The following ARHGEF4 variants were observed in gnomAD, a reference collection of about 807,000 sequenced individuals.
ARHGEF4 encodes the protein APC-stimulated guanine nucleotide exchange factor 1.
Under a neutral mutation model 162.0 loss-of-function variants are expected in ARHGEF4, and 119 were observed. The observed-to-expected ratio is 0.73, with a 90% CI of 0.63 to 0.86. The LOEUF (loss-of-function observed/expected upper bound fraction) is 0.86, where lower values mean the gene tolerates loss of function less well. ARHGEF4 is among the 40% of genes least tolerant of loss of function. The pLI is 0.00. For missense variants in ARHGEF4, 2,488 were observed against 2,456.0 expected (o/e 1.01, Z -0.28); for synonymous variants, 1,014 against 979.9 (o/e 1.03, Z -0.65).
chr2:130,921,419 A>G (rs1202671497), intron 2 of ARHGEF4, among the ~76,000 whole-genome samples: 1 of 152,158 alleles, frequency 6.6e-6, no homozygotes, highest in African/African-American at 2.4e-5. Context: ...TCAGGGGCCT[A>G]CTGCACGTGC....
Position 130,914,687 on chromosome 2 carries a change from G to T in ARHGEF4, c.741G>T (p.Arg247Ser). The change falls in exon 2 of 14, where the codon AGG (arginine) becomes AGT (serine). Residue 247 changes from arginine (R) to serine (S), a missense_variant. Around this residue, in one of 6 missense-constraint regions of ARHGEF4, gnomAD observed 1,642 missense variants for 1,481.5 expected, o/e 1.11. Transcript: ENST00000409359. ...LGRSWPHIHN[R>S]ARALVLPSRG... is the part of the protein sequence containing the mutation. ...GGAGTTGGCCACATATCCACAACAG[G>T]GCCAGGGCACTGGTGCTACCTAGCA... 7.2e-7 allele frequency: 1 copy of T among 1,392,986 alleles called. No homozygotes were observed. Among genetic ancestry groups the T allele is most frequent in the Non-Finnish European group, 9.3e-7 (1 of 1,079,992 alleles). 86.3% of individuals were successfully genotyped at this position (1,392,986 alleles called of 1,614,324 possible).
chr2:130,967,391 T>G (rs1287118321), intron 4 of ARHGEF4, among the ~76,000 whole-genome samples: 1 of 152,206 alleles, frequency 6.6e-6, no homozygotes, highest in Non-Finnish European at 1.5e-5. Context: ...GCTGCCACAC[T>G]GCTGGTACTC....
At chr2:131,016,851 A>T (rs1268721139) in intron 4 of ARHGEF4, among the ~76,000 whole-genome samples, 1 of 152,190 alleles carries the variant, frequency 6.6e-6, no homozygotes, top group Admixed American at 6.5e-5. Flanking sequence ...TGGGAAAGAG[A>T]TGCATAAGGA....
At chr2:130,938,675 C>T (rs1683106344) in intron 3 of ARHGEF4, among the ~76,000 whole-genome samples, 1 of 152,128 alleles carries the variant, frequency 6.6e-6, no homozygotes, top group Non-Finnish European at 1.5e-5. Flanking sequence ...CAAACATTAT[C>T]ACCTAGTCTG....
At chr2:130,936,816 C>T (rs1057513984) in intron 3 of ARHGEF4, among the ~76,000 whole-genome samples, 13 of 151,396 alleles carry the variant, frequency 8.6e-5, no homozygotes, top group Non-Finnish European at 1.5e-4. Flanking sequence ...GATTCATGTA[C>T]TTTACCAAAT....
At chr2:131,045,240 C>T in intron 12 of ARHGEF4, 129 bp from the exon 13 acceptor site, 1 of 869,684 alleles carries the variant, frequency 1.1e-6, no homozygotes, top group Non-Finnish European at 1.8e-6. Context: ...GGCAACAGTC[C>T]CCGCTGTGGC....
intron 1 of ARHGEF4, among the ~76,000 whole-genome samples, chr2:130,877,346 A>G (rs866488818): frequency 3.3e-5 from 5 of 152,242 alleles, no homozygotes; most frequent in Non-Finnish European, 5.9e-5. Flanking sequence ...TGAAATGTGC[A>G]TGTGTTGTGG....
At chr2:130,999,595 T>C (rs1217046103) in intron 4 of ARHGEF4, among the ~76,000 whole-genome samples, 1 of 152,256 alleles carries the variant, frequency 6.6e-6, no homozygotes, top group East Asian at 1.9e-4. Flanking sequence ...TATCTTTTTG[T>C]AGATGTGTTA....
chr2:130,981,871 A>C (rs367812055), intron 4 of ARHGEF4, among the ~76,000 whole-genome samples: 3 of 152,342 alleles, frequency 2.0e-5, no homozygotes, highest in South Asian at 4.1e-4. Context: ...CATTCTAGGC[A>C]CATGGCCAGT....
chr2:130,851,246 C>A (rs568791566), intron 1 of ARHGEF4, among the ~76,000 whole-genome samples: 1 of 152,374 alleles, frequency 6.6e-6, no homozygotes, highest in South Asian at 2.1e-4. Flanking sequence ...CCTGGGAATG[C>A]AGGGCAGAGA....
intron 3 of ARHGEF4, 89 bp from the exon 4 acceptor site, chr2:130,946,419 TC>T: frequency 6.7e-7 from 1 of 1,481,908 alleles, no homozygotes; most frequent in Non-Finnish European, 9.1e-7. Context: ...CAATGAAAAG[TC>T]CTCAGCAATT....
At position 130,854,306 on chromosome 2, in the gene ARHGEF4, A is replaced by G. The variant is rs553151659; in HGVS notation, c.39+17314A>G. Among the ~76,000 whole-genome samples, 10 of 152,272 alleles carry G rather than the reference A, an allele frequency of 6.6e-5. No homozygotes were observed. In the South Asian group the frequency reaches 1.0e-3, roughly 16 times the overall value. ...AGCTCATGCTTTGGCAGGGAGGACA[A>G]ATAACACACATTTATTCTTTGGAGT... On this transcript the variant is annotated intron_variant, in intron 1 of 13. Transcript: ENST00000409359.
At chr2:130,957,471 G>A (rs1195281090) in intron 4 of ARHGEF4, among the ~76,000 whole-genome samples, 5 of 152,036 alleles carry the variant, frequency 3.3e-5, no homozygotes, top group Admixed American at 2.6e-4. Flanking sequence ...GTGAGAATCG[G>A]GATTAACTAT....
chr2:131,006,350 T>C (rs1274875903), intron 4 of ARHGEF4, among the ~76,000 whole-genome samples: 1 of 152,192 alleles, frequency 6.6e-6, no homozygotes, highest in East Asian at 1.9e-4. Context: ...AGATAACAAA[T>C]GTATGTGCTG....
Position 130,916,218 on chromosome 2 carries a change from G to T in ARHGEF4, c.2272G>T (p.Gly758Cys). Residue 758 changes from glycine to cysteine, a missense_variant, in exon 2 of 14, where the codon GGT becomes TGT. By Grantham distance (159) the Gly-to-Cys change is radical. Around this residue, in one of 6 missense-constraint regions of ARHGEF4, gnomAD observed 1,642 missense variants for 1,481.5 expected, o/e 1.11. Coordinates refer to ENST00000409359, the MANE Select transcript of ARHGEF4 (RefSeq NM_001367493.1). ...TGGCCCGGAGGAGGCCCCCGAAGGC[G>T]GTGCTGCAGCAGCCCGGGGCCAGCG... ...ERGPEEAPEG[G>C]AAAARGQRPR... is the part of the protein sequence containing the mutation. 1.3e-6 allele frequency: 2 copies of T among 1,543,448 alleles called. No homozygotes were observed. Among genetic ancestry groups the T allele is most frequent in the Admixed American group, 2.0e-5 (1 of 50,314 alleles).
intron 4 of ARHGEF4, among the ~76,000 whole-genome samples, chr2:131,023,161 G>GT (rs112241074): frequency 6.6e-6 from 1 of 151,574 alleles, no homozygotes; most frequent in African/African-American, 2.4e-5. Context: ...AGGCATGATG[G>GT]TTTACACTTG....
Position 130,915,254 on chromosome 2 carries a change from T to G in ARHGEF4, c.1308T>G (p.Cys436Trp), listed in dbSNP as rs1446130180. The G allele has an allele frequency of 3.9e-6, 6 of 1,550,448 alleles. No homozygotes were observed. Among genetic ancestry groups the G allele is most frequent in the Non-Finnish European group, 5.2e-6 (6 of 1,147,012 alleles). The change falls in exon 2 of 14, where the codon TGT becomes TGG. Residue 436 changes from cysteine to tryptophan, a missense_variant. Transcript: ENST00000409359. Reference sequence around the variant, plus strand: ...AGTTAAGACAGGATTCCAGGTCATGTCTGGTGGCTTCATGCCTCACCTCAG... The same window carrying G: ...AGTTAAGACAGGATTCCAGGTCATGGCTGGTGGCTTCATGCCTCACCTCAG... ...ENQLRQDSRSCLVASCLTSEL... is the reference protein window; with the variant it reads ...ENQLRQDSRSWLVASCLTSEL...
chr2:130,942,946 C>G (rs1683399865), intron 3 of ARHGEF4, among the ~76,000 whole-genome samples: 1 of 152,138 alleles, frequency 6.6e-6, no homozygotes, highest in African/African-American at 2.4e-5. Context: ...CTACAAATGT[C>G]AATTAGTTCC....
intron 1 of ARHGEF4, among the ~76,000 whole-genome samples, chr2:130,838,660 G>A (rs1239723141): frequency 6.6e-6 from 1 of 151,904 alleles, no homozygotes; most frequent in African/African-American, 2.4e-5. Context: ...GAAGGAAGGA[G>A]GGAGGGAAGG....
Sources: allele counts gnomAD v4.1 joint callset (sites outside exome capture counted in the v4.1 genomes callset), GRCh38; gene constraint gnomAD v4.1.1; regional missense constraint gnomAD v4.1.1; transcripts MANE v1.5; gene names NCBI Gene and HGNC (gene_info 2026-07-23, HGNC 2026-07-21).